The following MARK4 variants were observed in gnomAD, a reference collection of about 807,000 sequenced individuals.
MARK4 encodes the protein microtubule affinity regulating kinase 4.
In MARK4, 19 loss-of-function variants were observed where a neutral mutation model predicts 81.5. The ratio of observed to expected loss-of-function variants is 0.23; its 90% CI spans 0.16 to 0.34. MARK4 has a LOEUF of 0.34. Ranked by LOEUF, MARK4 falls within the 10% of genes least tolerant of loss-of-function variation. The pLI is 1.00. For synonymous variants in MARK4, 436 were observed against 439.0 expected (o/e 0.99, Z 0.08); for missense variants, 772 against 1,058.8 (o/e 0.73, Z 3.76).
chr19:45,256,025 G>A (rs1224169655), intron 1 of MARK4, among the ~76,000 whole-genome samples: 2 of 152,256 alleles, frequency 1.3e-5, no homozygotes, highest in Non-Finnish European at 2.9e-5. Flanking sequence ...CATGGTGTGG[G>A]AGACAGCAAG....
chr19:45,268,696 G>A (rs1970487175), intron 7 of MARK4, among the ~76,000 whole-genome samples: 1 of 152,018 alleles, frequency 6.6e-6, no homozygotes, highest in African/African-American at 2.4e-5. Flanking sequence ...AGTGAGCCAT[G>A]ATCATGCCAC....
chr19:45,287,306 G>A (rs1970755973), intron 12 of MARK4, 141 bp from the exon 13 acceptor site: 3 of 512,832 alleles, frequency 5.8e-6, no homozygotes, highest in Admixed American at 7.7e-5. Flanking sequence ...GTAATCTTGA[G>A]GTAATTTTGA....
At chr19:45,252,006 T>C (rs1275685605) in intron 1 of MARK4, among the ~76,000 whole-genome samples, 2 of 151,560 alleles carry the variant, frequency 1.3e-5, no homozygotes, top group Admixed American at 6.6e-5. Flanking sequence ...CCCTCCCGGA[T>C]TTGCAGGGCC....
chr19:45,298,851 G>A (rs1970926898), intron 15 of MARK4, among the ~76,000 whole-genome samples: 1 of 151,962 alleles, frequency 6.6e-6, no homozygotes, highest in South Asian at 2.1e-4. Flanking sequence ...TGAGGCGAGG[G>A]GATCACTTGA....
chr19:45,302,999 G>A lies in MARK4; in HGVS notation c.*289G>A. The A allele has an allele frequency of 2.1e-6, 1 of 484,238 alleles. No homozygotes were observed. The highest frequency in any genetic ancestry group is 2.6e-5 in the South Asian group (1 of 38,526). The allele number at this position is 484,238 out of a possible 1,614,324, so 30.0% of individuals were successfully genotyped here. On this transcript the variant is annotated 3_prime_UTR_variant, in exon 17 of 17. Coordinates refer to ENST00000262891, the MANE Select transcript of MARK4 (RefSeq NM_001199867.2). This position sits in a 1 kb window ranked among gnomAD's most constrained non-coding sequence, Gnocchi z 4.9. Reference sequence around the variant, plus strand: ...TGAGGAGACTTTGGGGACAGGGCAGGGGCAGGGAGGGAAACTGAGGAAATC... The same window carrying A: ...TGAGGAGACTTTGGGGACAGGGCAGAGGCAGGGAGGGAAACTGAGGAAATC...
rs1481696077 is a variant in MARK4, at chr19:45,297,868, G to A, written c.1791G>A (p.Leu597=). 3.9e-6 allele frequency: 6 copies of A among 1,549,810 alleles called. No homozygotes were observed. Among genetic ancestry groups the A allele is most frequent in the South Asian group, 3.6e-5 (3 of 84,038 alleles). The part of the protein sequence containing the change: ...VQNGPPASPT[L]AHEAAPLPAG... ...ATGGGCCCCCTGCCTCTCCCACACT[G>A]GCCCATGAGGCTGCACCCCTGCCCG... Residue 597 remains leucine (L), a synonymous_variant, in exon 15 of 17, where the codon CTG becomes CTA. Coordinates refer to ENST00000262891, the MANE Select transcript of MARK4 (RefSeq NM_001199867.2).
chr19:45,273,251 G>T (rs1015593620), intron 8 of MARK4, among the ~76,000 whole-genome samples: 8 of 152,138 alleles, frequency 5.3e-5, no homozygotes, highest in African/African-American at 1.9e-4. Context: ...TCGCTGGCCT[G>T]TGTCCACATT....
intron 15 of MARK4, among the ~76,000 whole-genome samples, chr19:45,299,397 AGAGT>A (rs1439073732): frequency 6.6e-6 from 1 of 152,136 alleles, no homozygotes; most frequent in Non-Finnish European, 1.5e-5. Flanking sequence ...CCTGCATGAC[AGAGT>A]GAGACTCTGT....
Position 45,251,396 on chromosome 19 carries a change from G to A in MARK4, c.-193G>A. On this transcript the variant is annotated 5_prime_UTR_variant, in exon 1 of 17. Coordinates refer to ENST00000262891, the MANE Select transcript of MARK4 (RefSeq NM_001199867.2). ...GGCGCCCGGGGTCCCCGCTGCACGG[G>A]GCCACTAGGACCCTCGGCGTCCCTT... 2.9e-6 allele frequency: 1 copy of A among 344,828 alleles called. No individual in the cohort carries two copies. The highest frequency in any genetic ancestry group is 6.4e-5 in the South Asian group (1 of 15,744). 21.4% of individuals were successfully genotyped at this position (344,828 alleles called of 1,614,324 possible).
chr19:45,251,763 C>T (rs1970244854), intron 1 of MARK4, 124 bp downstream of exon 1: 3 of 837,692 alleles, frequency 3.6e-6, no homozygotes, highest in East Asian at 6.6e-5. Flanking sequence ...GGCTCGTCAC[C>T]TCTCGACCCC....
chr19:45,268,737 CCT>C (rs1383999751), intron 7 of MARK4, among the ~76,000 whole-genome samples: 1 of 151,806 alleles, frequency 6.6e-6, no homozygotes, highest in East Asian at 1.9e-4. Context: ...AGAGCAAAAC[CCT>C]GTCTCTAAAA....
At chr19:45,254,180 A>G (rs988581347) in intron 1 of MARK4, among the ~76,000 whole-genome samples, 1 of 152,128 alleles carries the variant, frequency 6.6e-6, no homozygotes, top group African/African-American at 2.4e-5. Context: ...CAGGTTCCCT[A>G]GCAACAGTCC....
chr19:45,280,420 C>A lies in MARK4; in HGVS notation c.1053C>A (p.Ser351=), dbSNP rs374345318. The A allele has an allele frequency of 4.6e-5, 74 of 1,614,100 alleles. No individual in the cohort carries two copies. The highest frequency in any genetic ancestry group is 5.8e-5 in the Non-Finnish European group (68 of 1,180,036). ...MGYTREEIKE[S]LTSQKYNEVT... ...ACACACGGGAAGAAATCAAAGAGTC[C>A]TTGACCAGCCAGAAGTACAACGAAG... is the stretch of plus-strand genomic sequence containing the variant. Residue 351 remains serine (S), a synonymous_variant, in exon 11 of 17, where the codon TCC becomes TCA. Transcript: ENST00000262891.
At chr19:45,268,031 G>C (rs1488398555) in intron 7 of MARK4, among the ~76,000 whole-genome samples, 1 of 151,806 alleles carries the variant, frequency 6.6e-6, no homozygotes, top group Admixed American at 6.6e-5. Context: ...CCTGACCTTG[G>C]GTGATCTGCC....
rs1387722793 is a variant in MARK4 at position 45,252,570 on chromosome 19, C to T, written c.51+931C>T. Among the ~76,000 whole-genome samples, 5 of 151,864 alleles carry T rather than the reference C, an allele frequency of 3.3e-5. No individual in the cohort carries two copies. The East Asian group carries it at 9.7e-4, about 29-fold the overall frequency. On this transcript the variant is annotated intron_variant, in intron 1 of 16. Transcript: ENST00000262891. ...CACCGTCCTTTCTCCTGCCCCAGGG[C>T]CTCCCCCTTCCTTGCTGGGAGTCTG...
At position 45,271,762 on chromosome 19, in the gene MARK4, CT is replaced by C; in HGVS notation, c.786+55del. The C allele has an allele frequency of 6.6e-7, 1 of 1,521,426 alleles. No individual in the cohort carries two copies. Among genetic ancestry groups the C allele is most frequent in the South Asian group, 1.2e-5 (1 of 84,040 alleles). 94.2% of individuals were successfully genotyped at this position (1,521,426 alleles called of 1,614,324 possible). A position where few individuals can be genotyped will look rare whatever the true frequency, so the allele number is the denominator to read the frequency against. ...TCAGCCCCTCCCCACAGTCAGGCCC[CT>C]ATCCCCCCCACACCTCCCCTGCAGA... is the stretch of plus-strand genomic sequence containing the variant. On this transcript the variant is annotated intron_variant, in intron 8 of 16. Coordinates refer to ENST00000262891, the MANE Select transcript of MARK4 (RefSeq NM_001199867.2). The surrounding 1 kb of genome is among the most constrained non-coding windows in gnomAD (Gnocchi z 4.1).
chr19:45,297,965 C>A lies in MARK4; in HGVS notation c.1877+11C>A, dbSNP rs79214602. On this transcript the variant is annotated intron_variant, in intron 15 of 16. Transcript: ENST00000262891. ...CAAACTGACCCGAAGGTGAGCTCCG[C>A]GGGGATGGCAGGGGCAGGGCGGGGC... The A allele has an allele frequency of 1.9e-3, 1,776 of 932,896 alleles. 24 individuals carry two copies. In the African/African-American group the frequency reaches 0.027, roughly 14 times the overall value. The allele number at this position is 932,896 out of a possible 1,614,324, so 57.8% of individuals were successfully genotyped here.
chr19:45,275,553 A>T (rs1970587534), intron 8 of MARK4, among the ~76,000 whole-genome samples: 1 of 151,576 alleles, frequency 6.6e-6, no homozygotes, highest in Non-Finnish European at 1.5e-5. Flanking sequence ...GGAGCTTGGC[A>T]TCTGGCCACA....
At chr19:45,272,138 C>G (rs866807266) in intron 8 of MARK4, among the ~76,000 whole-genome samples, 5 of 152,192 alleles carry the variant, frequency 3.3e-5, no homozygotes, top group African/African-American at 7.2e-5. Flanking sequence ...TCAAGACCAG[C>G]CTGGGCAACA....
Sources: allele counts gnomAD v4.1 joint callset (sites outside exome capture counted in the v4.1 genomes callset), GRCh38; gene constraint gnomAD v4.1.1; non-coding constraint Gnocchi (gnomAD v3.1); transcripts MANE v1.5; gene names NCBI Gene and HGNC (gene_info 2026-07-23, HGNC 2026-07-21).